RANBP1: variants seen among roughly 807,000 people sequenced by gnomAD.
RANBP1 encodes ran-specific GTPase-activating protein.
A neutral mutation model predicts 31.4 loss-of-function variants in RANBP1; 16 were observed. That is an observed-to-expected ratio of 0.51 (90% CI 0.34 to 0.77). RANBP1 has a LOEUF of 0.77. Among genes scored for constraint, RANBP1 ranks in the 30% least tolerant of loss-of-function variants. RANBP1 has a pLI of 0.01. For synonymous variants in RANBP1, 129 were observed against 140.5 expected (o/e 0.92, Z 0.58); for missense variants, 265 against 362.0 (o/e 0.73, Z 2.17).
intron 3 of RANBP1, among the ~76,000 whole-genome samples, chr22:20,122,927 CTG>C (rs1308506879): frequency 1.2e-5 from 1 of 84,266 alleles, no homozygotes; most frequent in Non-Finnish European, 2.2e-5. Flanking sequence ...TGTGTGGTGT[CTG>C]GGGCGGGGGT....
chr22:20,123,959 C>T (rs1227799483), intron 3 of RANBP1, among the ~76,000 whole-genome samples: 2 of 152,044 alleles, frequency 1.3e-5, no homozygotes, highest in African/African-American at 2.4e-5. Flanking sequence ...GCCTGAGTGG[C>T]TCAGCCCTTG....
chr22:20,122,697 A>G, intron 3 of RANBP1: 1 of 1,314,342 alleles, frequency 7.6e-7, no homozygotes, highest in Non-Finnish European at 9.9e-7. Context: ...CGGGACGAGG[A>G]GTGAGTGCTG....
chr22:20,120,541 G>A (rs2050150465), intron 2 of RANBP1, among the ~76,000 whole-genome samples: 1 of 152,216 alleles, frequency 6.6e-6, no homozygotes, highest in Admixed American at 6.5e-5. Flanking sequence ...GAATCATGTT[G>A]GGGCAGAGAG....
intron 3 of RANBP1, chr22:20,122,739 G>A: frequency 1.9e-6 from 2 of 1,037,838 alleles, no homozygotes; most frequent in Non-Finnish European, 2.3e-6. Context: ...GTGTGTGTGT[G>A]TGTGTGTGTG....
rs58050290 is a variant in RANBP1 at position 20,127,355 on chromosome 22, G to A, written c.*303G>A. On this transcript the variant is annotated 3_prime_UTR_variant, in exon 6 of 6. Coordinates refer to ENST00000430524, the MANE Select transcript of RANBP1 (RefSeq NM_001278639.2). ...AATAAAAAACACATTTGGAACCTGG[G>A]CCAGATGGCAGGACTGTGTGTGTAC... The A allele has an allele frequency of 0.049, 13,598 of 277,712 alleles. 449 individuals carry two copies. Among genetic ancestry groups the A allele is most frequent in the South Asian group, 0.091 (2,451 of 26,814 alleles). 17.2% of individuals were successfully genotyped at this position (277,712 alleles called of 1,614,324 possible).
At chr22:20,116,802 T>C in intron 1 of RANBP1, 4 of 1,374,844 alleles carry the variant, frequency 2.9e-6, no homozygotes, top group African/African-American at 1.7e-5. Context: ...CGTCCCCACC[T>C]ATTCTCTGGC....
chr22:20,117,608 C>A, intron 1 of RANBP1: 1 of 1,385,862 alleles, frequency 7.2e-7, no homozygotes. Context: ...GCGGAGCCAG[C>A]GACGACCGAC....
At chr22:20,121,475 C>G (rs777137791) in intron 2 of RANBP1, among the ~76,000 whole-genome samples, 1 of 152,084 alleles carries the variant, frequency 6.6e-6, no homozygotes, top group African/African-American at 2.4e-5. Flanking sequence ...TCTCGAACTC[C>G]CGACGTCAGG....
At chr22:20,117,299 C>CG in intron 1 of RANBP1, 1 of 853,028 alleles carries the variant, frequency 1.2e-6, no homozygotes, top group Non-Finnish European at 1.5e-6. Context: ...GCTCTAGAGG[C>CG]GCGCGTGGCC....
chr22:20,116,121 C>T lies in RANBP1; in HGVS notation c.-64C>T, dbSNP rs1445888316. 2 of 1,612,518 alleles carry T rather than the reference C, an allele frequency of 1.2e-6. No individual in the cohort carries two copies. Among genetic ancestry groups the T allele is most frequent in the East Asian group, 2.2e-5 (1 of 44,830 alleles). ...CATAGGGCACTGTCCATAGAGGGGT[C>T]ACCACGTCGGCCACTCGTGTTACTG... On this transcript the variant is annotated 5_prime_UTR_variant, in exon 1 of 6. Transcript: ENST00000430524.
chr22:20,117,271 C>T, intron 1 of RANBP1: 1 of 671,044 alleles, frequency 1.5e-6, no homozygotes. Flanking sequence ...CGGATCCAAC[C>T]CCCAACCACT....
chr22:20,118,323 C>T (rs1197806429), intron 1 of RANBP1: 4 of 1,002,386 alleles, frequency 4.0e-6, no homozygotes, highest in Non-Finnish European at 4.8e-6. Flanking sequence ...GGCATGTGTT[C>T]TGGAAGACTC....
rs1353789943 is a variant in RANBP1, at chr22:20,126,953, A to G, written c.738A>G (p.Ala246=). Residue 246 remains alanine, a splice_region_variant and synonymous_variant, in exon 6 of 6, where the codon GCA becomes GCG. Coordinates refer to ENST00000430524, the MANE Select transcript of RANBP1 (RefSeq NM_001278639.2). ...RKEIEEREKK[A]GSGKNDHAEK... ...TCACTGTGCTGCTTGTGTTTTTAGC[A>G]GGATCAGGCAAAAATGATCATGCCG... The G allele has an allele frequency of 1.9e-6, 3 of 1,612,454 alleles. No homozygotes were observed. Among genetic ancestry groups the G allele is most frequent in the African/African-American group, 1.3e-5 (1 of 74,736 alleles).
At chr22:20,122,609 A>G (rs1179037866) in intron 3 of RANBP1, 188 bp downstream of exon 3, 3 of 1,526,366 alleles carry the variant, frequency 2.0e-6, no homozygotes, top group Admixed American at 2.0e-5. Flanking sequence ...GCAGGCCCGC[A>G]GCGAAGCTTA....
At chr22:20,125,269 C>T in intron 3 of RANBP1, 39 bp from the exon 4 acceptor site, 1 of 1,610,012 alleles carries the variant, frequency 6.2e-7, no homozygotes, top group South Asian at 1.1e-5. Flanking sequence ...CTGGCCTTTG[C>T]AGTCATCTCA....
At chr22:20,117,361 CG>C in intron 1 of RANBP1, 1 of 1,213,530 alleles carries the variant, frequency 8.2e-7, no homozygotes, top group Non-Finnish European at 1.0e-6. Context: ...CTCTGGCTGA[CG>C]GGCGGGCCGG....
rs751851704 is a variant in RANBP1, at chr22:20,116,128, T to C, written c.-57T>C. 1 of 1,612,716 alleles carries C rather than the reference T, an allele frequency of 6.2e-7. No individual in the cohort carries two copies. The highest frequency in any genetic ancestry group is 8.5e-7 in the Non-Finnish European group (1 of 1,179,578). On this transcript the variant is annotated 5_prime_UTR_variant, in exon 1 of 6. Coordinates refer to ENST00000430524, the MANE Select transcript of RANBP1 (RefSeq NM_001278639.2). ...CACTGTCCATAGAGGGGTCACCACGTCGGCCACTCGTGTTACTGGTGGCTC... is the reference window on the plus strand; with the variant it reads ...CACTGTCCATAGAGGGGTCACCACGCCGGCCACTCGTGTTACTGGTGGCTC...
At chr22:20,116,989 GGCCTGTCACAAGGGAAGT>G in intron 1 of RANBP1, 1 of 1,528,604 alleles carries the variant, frequency 6.5e-7, no homozygotes, top group South Asian at 1.2e-5. Flanking sequence ...CAAGGGAAGT[GGCCTGTCACAAGGGAAGT>G]GCTCAGAGGG....
chr22:20,116,880 T>C, intron 1 of RANBP1: 2 of 1,488,530 alleles, frequency 1.3e-6, no homozygotes, highest in Non-Finnish European at 1.8e-6. Flanking sequence ...CCCCGCACTC[T>C]ACCTCGTTGT....
Sources: allele counts gnomAD v4.1 joint callset (sites outside exome capture counted in the v4.1 genomes callset), GRCh38; gene constraint gnomAD v4.1.1; transcripts MANE v1.5; gene names NCBI Gene and HGNC (gene_info 2026-07-23, HGNC 2026-07-21).